MPP4: variants seen among roughly 807,000 people sequenced by gnomAD.
The protein encoded by MPP4 is MAGUK p55 scaffold protein 4.
A neutral mutation model predicts 98.3 loss-of-function variants in MPP4; 91 were observed. The observed-to-expected ratio is 0.93, with a 90% CI of 0.78 to 1.10. The LOEUF is 1.10. Among genes scored for constraint, MPP4 ranks in the 50% least tolerant of loss-of-function variants. The probability of loss-of-function intolerance (pLI) is 0.00; values close to 1 mark genes in which losing one functional copy is unlikely to be tolerated. For missense variants in MPP4, 744 were observed against 792.9 expected (o/e 0.94, Z 0.74); for synonymous variants, 261 against 271.8 (o/e 0.96, Z 0.39).
rs144563682 is a variant in MPP4, at chr2:201,695,959, C to T, written c.-100-1905G>A. Among the ~76,000 whole-genome samples the T allele has an allele frequency of 2.4e-3, 365 of 152,282 alleles. 3 individuals are homozygous for T. The highest frequency in any genetic ancestry group is 2.0e-3 in the Non-Finnish European group (138 of 68,012). On this transcript the variant is annotated intron_variant, in intron 1 of 21. Coordinates refer to ENST00000409474, the MANE Select transcript of MPP4 (RefSeq NM_033066.3). ...AACACTTCAAATTAGTTGTTAAAGA[C>T]TGGAGTATTGACTCTGATAGGGTTG...
intron 10 of MPP4, among the ~76,000 whole-genome samples, chr2:201,676,626 G>A (rs1161098995): frequency 2.0e-5 from 3 of 152,244 alleles, no homozygotes; most frequent in African/African-American, 7.2e-5. Context: ...TAGGCTGGGT[G>A]TGGTGGCTCA....
chr2:201,692,065 A>G (rs1458186765), intron 3 of MPP4, among the ~76,000 whole-genome samples: 1 of 152,178 alleles, frequency 6.6e-6, no homozygotes, highest in Non-Finnish European at 1.5e-5. Context: ...AGGGACTACC[A>G]TATTCTCCTC....
chr2:201,658,955 G>A (rs922924324), intron 15 of MPP4, among the ~76,000 whole-genome samples: 3 of 152,050 alleles, frequency 2.0e-5, no homozygotes, highest in Non-Finnish European at 2.9e-5. Flanking sequence ...GGAGTGCAAT[G>A]GCACGATCTC....
rs376872434 is a variant in MPP4, at chr2:201,654,982, TATC to T, written c.1301-68_1301-66del. 514 of 1,098,258 alleles carry T rather than the reference TATC, an allele frequency of 4.7e-4. 6 individuals are homozygous for T. The South Asian group carries it at 7.6e-3, about 16-fold the overall frequency. The allele number at this position is 1,098,258 out of a possible 1,614,324, so 68.0% of individuals were successfully genotyped here. A position where few individuals can be genotyped will look rare whatever the true frequency, so the allele number is the denominator to read the frequency against. ...GATAAATATAATTATGTGATGGAATTATCATTTTAGTCCTTCTACTGAAGAAAC... is the reference window on the plus strand; with the variant it reads ...GATAAATATAATTATGTGATGGAATTATTTTAGTCCTTCTACTGAAGAAAC... On this transcript the variant is annotated intron_variant, in intron 17 of 21. Transcript: ENST00000409474.
At chr2:201,677,548 C>CCT (rs1355315762) in intron 10 of MPP4, among the ~76,000 whole-genome samples, 1 of 152,166 alleles carries the variant, frequency 6.6e-6, no homozygotes, top group Admixed American at 6.5e-5. Context: ...CAAAACCCCC[C>CCT]CAGCTACTTG....
In MPP4 at chr2:201,680,824, G is replaced by T; in HGVS notation, c.929+14C>A. The stretch of plus-strand genomic sequence containing the variant: ...TGGTTCAGCCCTGAGTCCAGGAGTG[G>T]TGACGTTCCTTACCTCTTCAGAAGG... On this transcript the variant is annotated intron_variant, in intron 10 of 21. Transcript: ENST00000409474. 2 of 1,601,440 alleles carry T rather than the reference G, an allele frequency of 1.2e-6. No homozygotes were observed. The highest frequency in any genetic ancestry group is 2.2e-5 in the East Asian group (1 of 44,472).
intron 11 of MPP4, among the ~76,000 whole-genome samples, chr2:201,673,708 G>A (rs1349582441): frequency 6.6e-6 from 1 of 152,140 alleles, no homozygotes; most frequent in Non-Finnish European, 1.5e-5. Flanking sequence ...GTTTTCTTTT[G>A]TCAAAAACTG....
intron 12 of MPP4, among the ~76,000 whole-genome samples, chr2:201,667,765 AG>A (rs1481854935): frequency 6.6e-6 from 1 of 152,234 alleles, no homozygotes; most frequent in Non-Finnish European, 1.5e-5. Flanking sequence ...CTACACTATA[AG>A]GTAACCTTTA....
At position 201,645,414 on chromosome 2, in the gene MPP4, A is replaced by AAAT; in HGVS notation, c.1720-13_1720-11dup. The AAAT allele has an allele frequency of 6.2e-7, 1 of 1,610,910 alleles. No individual in the cohort carries two copies. Among genetic ancestry groups the AAAT allele is most frequent in the Non-Finnish European group, 8.5e-7 (1 of 1,177,346 alleles). On this transcript the variant is annotated splice_polypyrimidine_tract_variant and intron_variant, in intron 21 of 21. Transcript: ENST00000409474. ...CTTGTAGGTCTTCATCCTTTAGGAG[A>AAAT]AATAGAAAAATATGGATAGTACAGA...
At chr2:201,692,734 A>T (rs972786580) in intron 3 of MPP4, among the ~76,000 whole-genome samples, 174 bp downstream of exon 3, 5 of 152,130 alleles carry the variant, frequency 3.3e-5, no homozygotes, top group Admixed American at 2.6e-4. Flanking sequence ...AAAGACACTG[A>T]ATCTGCTGCC....
chr2:201,651,977 A>T (rs1191950250), intron 18 of MPP4: 1 of 959,412 alleles, frequency 1.0e-6, no homozygotes, highest in Non-Finnish European at 1.2e-6. Context: ...AAACAGAAAA[A>T]AAAAAAGAAA....
At chr2:201,689,055 T>C (rs1688922499) in intron 4 of MPP4, among the ~76,000 whole-genome samples, 1 of 151,964 alleles carries the variant, frequency 6.6e-6, no homozygotes, top group Non-Finnish European at 1.5e-5. Context: ...AGGCCAGGTG[T>C]GGTGGCTCAC....
At chr2:201,692,832 A>G (rs1689075987) in intron 3 of MPP4, 76 bp downstream of exon 3, 3 of 1,554,006 alleles carry the variant, frequency 1.9e-6, no homozygotes, top group Non-Finnish European at 1.7e-6. Flanking sequence ...GCCTGAATGG[A>G]CTGAAGCTGT....
chr2:201,646,135 C>T (rs1180029429), intron 21 of MPP4, among the ~76,000 whole-genome samples: 1 of 152,190 alleles, frequency 6.6e-6, no homozygotes, highest in Non-Finnish European at 1.5e-5. Context: ...TTACTCCCCT[C>T]AACTTCCCGT....
At chr2:201,687,464 T>C (rs889331441) in intron 4 of MPP4, 93 bp from the exon 5 acceptor site, 38 of 901,862 alleles carry the variant, frequency 4.2e-5, no homozygotes, top group Admixed American at 6.8e-5. Flanking sequence ...CATACTAACA[T>C]GATATTGACC....
In MPP4 at chr2:201,660,325, C is replaced by T; in HGVS notation, c.1087+7G>A. The T allele has an allele frequency of 7.4e-6, 12 of 1,612,138 alleles. No homozygotes were observed. The highest frequency in any genetic ancestry group is 1.0e-5 in the Non-Finnish European group (12 of 1,178,200). On this transcript the variant is annotated splice_region_variant and intron_variant, in intron 15 of 21. Transcript: ENST00000409474. ...ATTTGGTATATCTAGGAAATAAAAACAATTACCTTCTGAAAGTTCCTCTGG... is the reference window on the plus strand; with the variant it reads ...ATTTGGTATATCTAGGAAATAAAAATAATTACCTTCTGAAAGTTCCTCTGG...
Position 201,680,936 on chromosome 2 carries a change from C to T in MPP4, c.831G>A (p.Gln277=). 1 of 1,613,880 alleles carries T rather than the reference C, an allele frequency of 6.2e-7. No individual in the cohort carries two copies. The highest frequency in any genetic ancestry group is 8.5e-7 in the Non-Finnish European group (1 of 1,179,850). ...GLPFQKGDIL[Q]IVDQNDALWW... ...AGAGGGCATCATTCTGGTCCACAAT[C>T]TGGAGGATGTCCCCCTTCTGGAAAG... The change falls in exon 10 of 22, where the codon CAG becomes CAA. Residue 277 remains glutamine, a synonymous_variant. Coordinates refer to ENST00000409474, the MANE Select transcript of MPP4 (RefSeq NM_033066.3).
intron 7 of MPP4, among the ~76,000 whole-genome samples, chr2:201,683,354 T>G (rs1202782094): frequency 6.6e-6 from 1 of 152,074 alleles, no homozygotes; most frequent in Admixed American, 6.5e-5. Flanking sequence ...TGTCAGATAG[T>G]TGAGAGAAGA....
intron 12 of MPP4, among the ~76,000 whole-genome samples, chr2:201,668,992 C>T (rs1469278947): frequency 6.6e-6 from 1 of 152,092 alleles, no homozygotes; most frequent in African/African-American, 2.4e-5. Flanking sequence ...TCTTGCAGTT[C>T]TCTGTTTTCC....
Sources: allele counts gnomAD v4.1 joint callset (sites outside exome capture counted in the v4.1 genomes callset), GRCh38; gene constraint gnomAD v4.1.1; transcripts MANE v1.5; gene names NCBI Gene and HGNC (gene_info 2026-07-23, HGNC 2026-07-21).